PPP2R3A: variants seen among roughly 807,000 people sequenced by gnomAD.
PPP2R3A encodes the protein protein phosphatase 2 regulatory subunit B''alpha, also known as serine/threonine-protein phosphatase 2A regulatory subunit B'' subunit alpha.
PPP2R3A carries 80 observed loss-of-function variants against 106.9 expected under a neutral mutation model. The observed-to-expected ratio is 0.75, with a 90% CI of 0.62 to 0.90. The LOEUF (loss-of-function observed/expected upper bound fraction) is 0.90, where lower values mean the gene tolerates loss of function less well. PPP2R3A is among the 40% of genes least tolerant of loss of function. The probability of loss-of-function intolerance (pLI) is 0.00; values close to 1 mark genes in which losing one functional copy is unlikely to be tolerated. For synonymous variants in PPP2R3A, 483 were observed against 468.3 expected, an observed-to-expected ratio of 1.03 and a Z score of -0.41; for missense variants, 1,386 against 1,350.4, an observed-to-expected ratio of 1.03 and a Z score of -0.41.
rs556394401 is a variant in PPP2R3A at position 136,105,961 on chromosome 3, A to G, written c.3223-255A>G. On this transcript the variant is annotated intron_variant, in intron 12 of 13. Transcript: ENST00000264977. ...GGTGACAGAGTGAGATTCTATCTCA[A>G]AAAGAAAAAAAAAGAAAAAAGAAAA... 3.9e-5 allele frequency among the ~76,000 whole-genome samples: 6 copies of G among 152,250 alleles called. No individual in the cohort carries two copies. The South Asian group carries it at 1.2e-3, about 32-fold the overall frequency.
chr3:136,021,394 A>G (rs1413759929), intron 2 of PPP2R3A, among the ~76,000 whole-genome samples: 1 of 152,098 alleles, frequency 6.6e-6, no homozygotes, highest in Non-Finnish European at 1.5e-5. Context: ...ATAAAATTTG[A>G]TGTGAACAGA....
At chr3:136,042,726 T>C (rs568673434) in intron 4 of PPP2R3A, among the ~76,000 whole-genome samples, 1 of 152,356 alleles carries the variant, frequency 6.6e-6, no homozygotes, top group South Asian at 2.1e-4. Context: ...CTGTCTTTTT[T>C]TCATCAGAAA....
At chr3:136,125,407 C>G (rs1938144753) in intron 13 of PPP2R3A, among the ~76,000 whole-genome samples, 1 of 152,184 alleles carries the variant, frequency 6.6e-6, no homozygotes, top group Non-Finnish European at 1.5e-5. Flanking sequence ...GAAAAAAATA[C>G]CAATCTTTCA....
intron 1 of PPP2R3A, among the ~76,000 whole-genome samples, chr3:136,000,738 C>A (rs917308040): frequency 2.0e-5 from 3 of 152,080 alleles, no homozygotes; most frequent in Non-Finnish European, 4.4e-5. Flanking sequence ...ATGAGGAAAT[C>A]AGAAGTGTGA....
intron 3 of PPP2R3A, among the ~76,000 whole-genome samples, chr3:136,036,161 T>A (rs1326452234): frequency 6.6e-6 from 1 of 152,196 alleles, no homozygotes; most frequent in African/African-American, 2.4e-5. Context: ...GGGCTTTGCC[T>A]TTCTCTGGTG....
In PPP2R3A at chr3:136,030,858, A is replaced by G. The variant is rs1934862974; in HGVS notation, c.2262+3760A>G. 6.0e-5 allele frequency among the ~76,000 whole-genome samples: 9 copies of G among 150,514 alleles called. No individual in the cohort carries two copies. In the South Asian group the frequency reaches 1.9e-3, roughly 32 times the overall value. Reference sequence around the variant, plus strand: ...CACACACACACACATGCCCCAGTTTATCCATTTGTTGATTGATGGGCATTG... The same window carrying G: ...CACACACACACACATGCCCCAGTTTGTCCATTTGTTGATTGATGGGCATTG... On this transcript the variant is annotated intron_variant, in intron 3 of 13. Coordinates refer to ENST00000264977, the MANE Select transcript of PPP2R3A (RefSeq NM_002718.5).
At chr3:136,098,005 A>G (rs1937255830) in intron 10 of PPP2R3A, among the ~76,000 whole-genome samples, 1 of 152,216 alleles carries the variant, frequency 6.6e-6, no homozygotes, top group African/African-American at 2.4e-5. Flanking sequence ...TAGCCAACCT[A>G]TTACCTCACA....
Position 136,002,054 on chromosome 3 carries a change from C to T in PPP2R3A, c.556C>T (p.Pro186Ser). The T allele has an allele frequency of 1.2e-6, 2 of 1,613,918 alleles. No homozygotes were observed. Among genetic ancestry groups the T allele is most frequent in the Non-Finnish European group, 1.7e-6 (2 of 1,179,960 alleles). Residue 186 changes from proline (P) to serine (S), a missense_variant, in exon 2 of 14, where the codon CCT (proline) becomes TCT (serine). Coordinates refer to ENST00000264977, the MANE Select transcript of PPP2R3A (RefSeq NM_002718.5). ...LLRSSSVEEK[P>S]LSHRNSLDTN... is the part of the protein sequence containing the mutation. The stretch of plus-strand genomic sequence containing the variant: ...GCGGAGTTCCTCAGTTGAGGAAAAA[C>T]CTTTGTCTCATAGAAACTCACTGGA...
chr3:136,113,942 G>A (rs1937643828), intron 13 of PPP2R3A, among the ~76,000 whole-genome samples: 1 of 152,170 alleles, frequency 6.6e-6, no homozygotes, highest in Admixed American at 6.6e-5. Context: ...TAGACAAGTG[G>A]GGCCTAATTA....
chr3:136,046,167 G>C (rs1022709109), intron 4 of PPP2R3A, among the ~76,000 whole-genome samples: 5 of 151,652 alleles, frequency 3.3e-5, no homozygotes, highest in Admixed American at 2.0e-4. Flanking sequence ...ACAGAGCCAG[G>C]CTTTGTCTCA....
intron 10 of PPP2R3A, among the ~76,000 whole-genome samples, chr3:136,100,104 G>A (rs147175587): frequency 1.3e-5 from 2 of 152,184 alleles, no homozygotes; most frequent in East Asian, 1.9e-4. Flanking sequence ...AAACCTCTGC[G>A]GGCTTCTAAG....
At chr3:136,062,273 A>G (rs188613817) in intron 5 of PPP2R3A, among the ~76,000 whole-genome samples, 1 of 152,312 alleles carries the variant, frequency 6.6e-6, no homozygotes, top group East Asian at 1.9e-4. Flanking sequence ...CCTAAGACAC[A>G]GTGGATTCAA....
rs559182867 is a variant in PPP2R3A at position 136,052,403 on chromosome 3, CTG to C, written c.2469+3045_2469+3046del. 3.7e-3 allele frequency among the ~76,000 whole-genome samples: 564 copies of C among 152,274 alleles called. 1 individual carries two copies. The highest frequency in any genetic ancestry group is 4.6e-3 in the Non-Finnish European group (315 of 68,018). ...CAGCTTCTGCTGGACAGCCCCTTGTCTGTGGTCCTAGTGCCTACTAGGCTCTC... is the reference window on the plus strand; with the variant it reads ...CAGCTTCTGCTGGACAGCCCCTTGTCTGGTCCTAGTGCCTACTAGGCTCTC... On this transcript the variant is annotated intron_variant, in intron 5 of 13. Coordinates refer to ENST00000264977, the MANE Select transcript of PPP2R3A (RefSeq NM_002718.5).
intron 3 of PPP2R3A, among the ~76,000 whole-genome samples, chr3:136,032,453 G>T: frequency 6.6e-6 from 1 of 151,162 alleles, no homozygotes; most frequent in Non-Finnish European, 1.5e-5. Flanking sequence ...GATCTTCTGG[G>T]TAAACGATCA....
At chr3:136,087,480 T>C (rs564804361) in intron 8 of PPP2R3A, 1 of 154,968 alleles carries the variant, frequency 6.5e-6, no homozygotes, top group East Asian at 1.9e-4. Flanking sequence ...CATTCTCCAT[T>C]GTTTTAACTT....
intron 3 of PPP2R3A, among the ~76,000 whole-genome samples, chr3:136,039,387 C>T (rs1289823857): frequency 1.3e-5 from 2 of 152,164 alleles, no homozygotes; most frequent in South Asian, 2.1e-4. Context: ...CTAATAGTAA[C>T]GATTGTATTA....
chr3:136,062,260 A>G (rs1019682359), intron 5 of PPP2R3A, among the ~76,000 whole-genome samples: 34 of 152,294 alleles, frequency 2.2e-4, no homozygotes, highest in Admixed American at 1.5e-3. Flanking sequence ...GGAATACATG[A>G]GACCTAAGAC....
At chr3:136,038,168 C>T (rs1304433778) in intron 3 of PPP2R3A, among the ~76,000 whole-genome samples, 2 of 152,058 alleles carry the variant, frequency 1.3e-5, no homozygotes, top group African/African-American at 2.4e-5. Context: ...GTCCATAGCC[C>T]TTACCATTCT....
Position 136,086,110 on chromosome 3 carries a change from G to A in PPP2R3A, c.2789-1773G>A, listed in dbSNP as rs538111902. On this transcript the variant is annotated intron_variant, in intron 8 of 13. Coordinates refer to ENST00000264977, the MANE Select transcript of PPP2R3A (RefSeq NM_002718.5). ...GGTGCTGCTACACTCCAGCCTGAGC[G>A]ACAGGGAGACCCTGTCTCAAAGAAA... Among the ~76,000 whole-genome samples, 25 of 151,562 alleles carry A rather than the reference G, an allele frequency of 1.6e-4. No homozygotes were observed. The South Asian group carries it at 4.4e-3, about 27-fold the overall frequency.
Sources: allele counts gnomAD v4.1 joint callset (sites outside exome capture counted in the v4.1 genomes callset), GRCh38; gene constraint gnomAD v4.1.1; transcripts MANE v1.5; gene names NCBI Gene and HGNC (gene_info 2026-07-23, HGNC 2026-07-21).